ATXN8OS: variants seen among roughly 807,000 people sequenced by gnomAD.
ATXN8OS encodes ATXN8 opposite strand lncRNA, also known as ATXN8 opposite strand (non-protein coding).
intron 3 of ATXN8OS, among the ~76,000 whole-genome samples, chr13:70,141,069 T>G (rs1047653543): frequency 6.6e-6 from 1 of 152,200 alleles, no homozygotes; most frequent in African/African-American, 2.4e-5. Context: ...GTGATGAGTT[T>G]GAAGCCTTGA....
At chr13:70,152,155 C>T (rs936247046) in intron 4 of ATXN8OS, among the ~76,000 whole-genome samples, 5 of 152,038 alleles carry the variant, frequency 3.3e-5, no homozygotes, top group African/African-American at 1.2e-4. Context: ...TAAGTGCTTT[C>T]ACTGAGACAA....
chr13:70,131,627 G>C (rs1417935939), intron 3 of ATXN8OS: 1 of 396,536 alleles, frequency 2.5e-6, no homozygotes, highest in Non-Finnish European at 4.4e-6. Context: ...TCCGTGTTTA[G>C]AGCTCAGCTC....
intron 1 of ATXN8OS, among the ~76,000 whole-genome samples, chr13:70,111,336 T>C (rs1430120258): frequency 2.6e-5 from 4 of 152,178 alleles, no homozygotes; most frequent in South Asian, 4.1e-4. Flanking sequence ...ATTTATTTAT[T>C]ATAGTTATGG....
chr13:70,140,304 G>A (rs926184576), intron 3 of ATXN8OS, among the ~76,000 whole-genome samples: 1 of 151,888 alleles, frequency 6.6e-6, no homozygotes, highest in Non-Finnish European at 1.5e-5. Flanking sequence ...AAAGTTACTG[G>A]AGTAAGTATT....
chr13:70,149,698 G>A (rs151083540), intron 4 of ATXN8OS, among the ~76,000 whole-genome samples: 2 of 152,212 alleles, frequency 1.3e-5, no homozygotes, highest in African/African-American at 2.4e-5. Context: ...AATAACAACA[G>A]CATGCCATCG....
chr13:70,153,710 T>C (rs1284273982), intron 4 of ATXN8OS, among the ~76,000 whole-genome samples: 1 of 152,186 alleles, frequency 6.6e-6, no homozygotes, highest in African/African-American at 2.4e-5. Flanking sequence ...CACAGGGTCT[T>C]GCTCTGTGAC....
intron 4 of ATXN8OS, among the ~76,000 whole-genome samples, chr13:70,169,504 C>T (rs1889119016): frequency 6.6e-6 from 1 of 152,010 alleles, no homozygotes; most frequent in South Asian, 2.1e-4. Context: ...CCATGTTAGC[C>T]AGGCTGGTCT....
chr13:70,157,459 A>G (rs1440091178), intron 4 of ATXN8OS, among the ~76,000 whole-genome samples: 1 of 151,942 alleles, frequency 6.6e-6, no homozygotes, highest in Admixed American at 6.6e-5. Context: ...TTGCAACTAG[A>G]TTATCCTAAG....
intron 3 of ATXN8OS, chr13:70,139,287 G>T: frequency 2.0e-6 from 1 of 511,824 alleles, no homozygotes; most frequent in Non-Finnish European, 3.4e-6. Flanking sequence ...TAACTCTGTT[G>T]GCTGAAGCCC....
chr13:70,107,715 G>T, upstream of ATXN8OS: 1 of 1,507,462 alleles, frequency 6.6e-7, no homozygotes. Context: ...ACGCACAGAA[G>T]GCAAAAGGCT....
At chr13:70,107,786 G>T in exon 1 of ATXN8OS, 1 of 1,041,510 alleles carries the variant, frequency 9.6e-7, no homozygotes, top group Non-Finnish European at 1.3e-6. Context: ...GCCCGGGGGC[G>T]GAGGAAGAGG....
At chr13:70,123,350 T>A (rs1888388015) in intron 2 of ATXN8OS, among the ~76,000 whole-genome samples, 1 of 152,166 alleles carries the variant, frequency 6.6e-6, no homozygotes. Flanking sequence ...GCAAGATTTA[T>A]GTTGTCAAAA....
intron 1 of ATXN8OS, among the ~76,000 whole-genome samples, chr13:70,110,128 A>C (rs1157277615): frequency 6.6e-6 from 1 of 152,104 alleles, no homozygotes; most frequent in East Asian, 1.9e-4. Context: ...CCCAAAGGAG[A>C]TATAACATTA....
intron 4 of ATXN8OS, among the ~76,000 whole-genome samples, chr13:70,165,906 G>C (rs1677544005): frequency 6.6e-6 from 1 of 151,922 alleles, no homozygotes. Flanking sequence ...TGCAGTAACA[G>C]CACAGAAAGT....
chr13:70,144,483 A>G (rs1175734878), intron 3 of ATXN8OS, among the ~76,000 whole-genome samples: 3 of 152,168 alleles, frequency 2.0e-5, no homozygotes, highest in African/African-American at 7.2e-5. Flanking sequence ...ATAACCTGGC[A>G]TAGAGTCCAA....
At chr13:70,146,340 G>A (rs1365204330) in intron 3 of ATXN8OS, among the ~76,000 whole-genome samples, 1 of 150,456 alleles carries the variant, frequency 6.6e-6, no homozygotes, top group Middle Eastern at 3.4e-3. Flanking sequence ...TTCAACCATT[G>A]TGGAAGTCAG....
chr13:70,132,493 A>G (rs1056019019), intron 3 of ATXN8OS, among the ~76,000 whole-genome samples: 2 of 151,944 alleles, frequency 1.3e-5, no homozygotes, highest in East Asian at 1.9e-4. Context: ...AAAAGGGCTG[A>G]AAAACTAACT....
rs1761095833 is a variant in ATXN8OS at position 70,149,718 on chromosome 13, C to A, written n.573+2290C>A. 2.6e-5 allele frequency among the ~76,000 whole-genome samples: 4 copies of A among 152,102 alleles called. No individual in the cohort carries two copies. The South Asian group carries it at 8.3e-4, about 31-fold the overall frequency. ...CAACAGCATGCCATCGGGGAAAAGGCTGGAAATCTTTCAGCTACTGCTGGG... is the reference window on the plus strand; with the variant it reads ...CAACAGCATGCCATCGGGGAAAAGGATGGAAATCTTTCAGCTACTGCTGGG... On this transcript the variant is annotated intron_variant and non_coding_transcript_variant, in intron 4 of 4. Transcript: ENST00000678624.
intron 4 of ATXN8OS, among the ~76,000 whole-genome samples, chr13:70,167,017 C>G (rs1345053290): frequency 1.3e-5 from 2 of 151,862 alleles, no homozygotes; most frequent in African/African-American, 2.4e-5. Context: ...CAGGAAACAA[C>G]AGGTGCTGGA....
Sources: allele counts gnomAD v4.1 joint callset (sites outside exome capture counted in the v4.1 genomes callset), GRCh38; gene constraint gnomAD v4.1.1; transcripts MANE v1.5; gene names NCBI Gene and HGNC (gene_info 2026-07-23, HGNC 2026-07-21).